The following ATP8B1 variants were observed in gnomAD, a reference collection of about 807,000 sequenced individuals.
The protein encoded by ATP8B1 is phospholipid-transporting ATPase IC.
Under a neutral mutation model 149.9 loss-of-function variants are expected in ATP8B1, and 80 were observed. The ratio of observed to expected loss-of-function variants is 0.53; its 90% CI spans 0.45 to 0.64. The LOEUF is 0.64. Ranked by LOEUF, ATP8B1 falls within the 30% of genes least tolerant of loss-of-function variation. The pLI, the probability that ATP8B1 is intolerant of heterozygous loss-of-function variation, is 0.00. For synonymous variants in ATP8B1, 536 were observed against 562.8 expected (o/e 0.95, Z 0.67); for missense variants, 1,247 against 1,552.6 (o/e 0.80, Z 3.31).
chr18:57,718,615 A>G (rs1276492243), intron 2 of ATP8B1, among the ~76,000 whole-genome samples: 2 of 152,216 alleles, frequency 1.3e-5, no homozygotes, highest in Admixed American at 6.5e-5. Context: ...TGATGCAAAA[A>G]TCCTCAACAA....
Position 57,712,983 on chromosome 18 carries a change from A to G in ATP8B1, c.182-6396T>C, listed in dbSNP as rs752454035. ...AAGAGCCCTTGAGCCCTGAATAAAC[A>G]GTAGTGATACCCAGTTAATATCCAA... On this transcript the variant is annotated intron_variant, in intron 2 of 27. Transcript: ENST00000648908. Among the ~76,000 whole-genome samples the G allele has an allele frequency of 3.3e-5, 5 of 152,084 alleles. No homozygotes were observed. The South Asian group carries it at 6.2e-4, about 19-fold the overall frequency.
intron 2 of ATP8B1, among the ~76,000 whole-genome samples, chr18:57,723,133 G>A (rs1420743902): frequency 6.6e-6 from 1 of 150,728 alleles, no homozygotes; most frequent in Admixed American, 6.6e-5. Context: ...CAAACCCACA[G>A]CCAATATCAT....
chr18:57,670,625 AG>A (rs1165575498), intron 17 of ATP8B1, among the ~76,000 whole-genome samples: 1 of 152,012 alleles, frequency 6.6e-6, no homozygotes, highest in African/African-American at 2.4e-5. Flanking sequence ...CTGGGATTAC[AG>A]GCGTGAGCTA....
chr18:57,694,691 G>C (rs1912714040), intron 10 of ATP8B1, 21 bp from the exon 11 acceptor site: 1 of 1,461,092 alleles, frequency 6.8e-7, no homozygotes, highest in Non-Finnish European at 9.6e-7. Flanking sequence ...AAAATTCAAT[G>C]TAGTCATCAG....
chr18:57,801,176 G>A (rs373125987), intron 1 of ATP8B1, among the ~76,000 whole-genome samples: 1 of 152,174 alleles, frequency 6.6e-6, no homozygotes, highest in East Asian at 1.9e-4. Flanking sequence ...CCTCACACAG[G>A]TGGCATCTGT....
chr18:57,727,562 TG>T (rs1372914086), intron 2 of ATP8B1, among the ~76,000 whole-genome samples: 1 of 152,090 alleles, frequency 6.6e-6, no homozygotes. Flanking sequence ...AGGCTGAGGC[TG>T]GTGGATCACA....
intron 1 of ATP8B1, among the ~76,000 whole-genome samples, chr18:57,744,516 A>G (rs1321900237): frequency 6.6e-6 from 1 of 152,176 alleles, no homozygotes; most frequent in Non-Finnish European, 1.5e-5. Flanking sequence ...ACTCGGCCTC[A>G]ATCCACAATG....
At chr18:57,693,465 T>C (rs1030659430) in intron 11 of ATP8B1, among the ~76,000 whole-genome samples, 3 of 152,118 alleles carry the variant, frequency 2.0e-5, no homozygotes, top group Non-Finnish European at 4.4e-5. Context: ...CCAAGCACTT[T>C]GGGAGGCCGA....
At chr18:57,793,629 G>A (rs978059072) in intron 1 of ATP8B1, among the ~76,000 whole-genome samples, 1 of 151,874 alleles carries the variant, frequency 6.6e-6, no homozygotes, top group Non-Finnish European at 1.5e-5. Flanking sequence ...CTTACTCTTT[G>A]GAGGAACAGC....
chr18:57,692,425 ATTTTTTT>A (rs10547283), intron 11 of ATP8B1, among the ~76,000 whole-genome samples: 3 of 57,038 alleles, frequency 5.3e-5, no homozygotes, highest in African/African-American at 1.3e-4. Context: ...TATTCAACAG[ATTTTTTT>A]TTTTTTTTTT....
At chr18:57,728,130 A>G (rs1248352434) in intron 2 of ATP8B1, among the ~76,000 whole-genome samples, 2 of 151,244 alleles carry the variant, frequency 1.3e-5, no homozygotes, top group Non-Finnish European at 2.9e-5. Context: ...TAGTTGGGCT[A>G]GAGGATTTCC....
chr18:57,713,099 T>G (rs996511537), intron 2 of ATP8B1, among the ~76,000 whole-genome samples: 2 of 152,014 alleles, frequency 1.3e-5, no homozygotes, highest in Non-Finnish European at 2.9e-5. Context: ...AGAGATTCCT[T>G]CCGCTTGAGA....
chr18:57,768,682 C>A (rs2123363784), intron 1 of ATP8B1, among the ~76,000 whole-genome samples: 1 of 151,318 alleles, frequency 6.6e-6, no homozygotes, highest in South Asian at 2.1e-4. Context: ...ATAGCTAATC[C>A]TTACTCCAAG....
At chr18:57,672,089 A>G (rs1911244351) in intron 16 of ATP8B1, among the ~76,000 whole-genome samples, 1 of 152,222 alleles carries the variant, frequency 6.6e-6, no homozygotes, top group African/African-American at 2.4e-5. Context: ...ATAAATATAA[A>G]AAGATTCCTT....
At chr18:57,658,707 C>G (rs1326145578) in intron 22 of ATP8B1, among the ~76,000 whole-genome samples, 1 of 148,270 alleles carries the variant, frequency 6.7e-6, no homozygotes, top group Admixed American at 6.8e-5. Context: ...GCTCTGTCAC[C>G]CAGGGTGGAG....
intron 27 of ATP8B1, 104 bp downstream of exon 27, chr18:57,650,263 T>C: frequency 4.2e-6 from 6 of 1,441,714 alleles, no homozygotes; most frequent in Non-Finnish European, 5.8e-6. Flanking sequence ...AAATCATTCT[T>C]ACCAAACTTC....
chr18:57,790,616 G>A (rs2080455623), intron 1 of ATP8B1, among the ~76,000 whole-genome samples: 1 of 151,964 alleles, frequency 6.6e-6, no homozygotes, highest in Non-Finnish European at 1.5e-5. Flanking sequence ...TATCCTCTAG[G>A]TCTCAACTTA....
At chr18:57,753,780 T>G (rs951244992) in intron 1 of ATP8B1, among the ~76,000 whole-genome samples, 1 of 151,724 alleles carries the variant, frequency 6.6e-6, no homozygotes, top group Non-Finnish European at 1.5e-5. Flanking sequence ...ATACAAAAAT[T>G]AGCTGGGCTT....
intron 1 of ATP8B1, among the ~76,000 whole-genome samples, chr18:57,754,923 C>A (rs1164776555): frequency 6.6e-6 from 1 of 152,138 alleles, no homozygotes; most frequent in Non-Finnish European, 1.5e-5. Flanking sequence ...ATGTCACAAA[C>A]CCCAAACTCT....
Sources: gnomAD v4.1 joint callset for allele counts (sites outside exome capture counted in the v4.1 genomes callset) on GRCh38, gnomAD v4.1.1 for gene constraint, MANE v1.5 for transcripts, NCBI Gene and HGNC (gene_info 2026-07-23, HGNC 2026-07-21) for gene names.